Variants in SLC5A8 observed in about 807,000 individuals in gnomAD.
The protein encoded by SLC5A8 is sodium-coupled monocarboxylate transporter 1.
Under a neutral mutation model 71.9 loss-of-function variants are expected in SLC5A8, and 55 were observed. That is an observed-to-expected ratio of 0.77 (90% CI 0.62 to 0.96). The LOEUF (loss-of-function observed/expected upper bound fraction) is 0.96, where lower values mean the gene tolerates loss of function less well. SLC5A8 is among the 40% of genes least tolerant of loss of function. The pLI, the probability that SLC5A8 is intolerant of heterozygous loss-of-function variation, is 0.00. For missense variants in SLC5A8, 701 were observed against 745.3 expected, an observed-to-expected ratio of 0.94 and a Z score of 0.69; for synonymous variants, 307 against 276.1, an observed-to-expected ratio of 1.11 and a Z score of -1.11.
chr12:101,171,425 G>T (rs1338969607), intron 10 of SLC5A8, among the ~76,000 whole-genome samples: 1 of 152,084 alleles, frequency 6.6e-6, no homozygotes, highest in Non-Finnish European at 1.5e-5. Context: ...ACCCTGAGGG[G>T]GTCAATAATT....
At chr12:101,173,547 TTGGGCATGTTGCCTA>T (rs1258628477) in intron 10 of SLC5A8, among the ~76,000 whole-genome samples, 13 of 152,194 alleles carry the variant, frequency 8.5e-5, no homozygotes, top group African/African-American at 2.9e-4. Flanking sequence ...CCCGCGTGAC[TTGGGCATGTTGCCTA>T]TGGGCTGCTG....
chr12:101,183,479 T>C (rs1386072698), intron 8 of SLC5A8, among the ~76,000 whole-genome samples: 1 of 152,208 alleles, frequency 6.6e-6, no homozygotes, highest in Non-Finnish European at 1.5e-5. Context: ...CACTTGCTGT[T>C]AATCCTCAGT....
chr12:101,157,467 A>G, intron 14 of SLC5A8, 66 bp from the exon 15 acceptor site: 3 of 1,499,330 alleles, frequency 2.0e-6, no homozygotes, highest in Non-Finnish European at 1.8e-6. Flanking sequence ...TGTAATTCTA[A>G]ATAATTGTTT....
chr12:101,181,199 G>A (rs1200127536), intron 9 of SLC5A8, among the ~76,000 whole-genome samples: 1 of 152,118 alleles, frequency 6.6e-6, no homozygotes, highest in East Asian at 1.9e-4. Flanking sequence ...GCATCTGAAT[G>A]AAAAATTTTA....
Position 101,190,652 on chromosome 12 carries a change from G to T in SLC5A8, c.693-44C>A, listed in dbSNP as rs1472716442. On this transcript the variant is annotated intron_variant, in intron 5 of 14. Transcript: ENST00000536262. ...AAAACAAATCTGAACTATTAGCAGA[G>T]ACTAAAAAAAATTCTCTTAGACTAT... 4 of 1,527,084 alleles carry T rather than the reference G, an allele frequency of 2.6e-6. No homozygotes were observed. In the East Asian group the frequency reaches 7.2e-5, roughly 28 times the overall value. 94.6% of individuals were successfully genotyped at this position (1,527,084 alleles called of 1,614,324 possible). A position where few individuals can be genotyped will look rare whatever the true frequency, so the allele number is the denominator to read the frequency against.
intron 1 of SLC5A8, among the ~76,000 whole-genome samples, chr12:101,206,408 A>G (rs905648833): frequency 6.6e-6 from 1 of 152,216 alleles, no homozygotes; most frequent in Non-Finnish European, 1.5e-5. Context: ...TGTTTTTTCT[A>G]GGTACATGAA....
chr12:101,179,038 A>G (rs1323549767), intron 10 of SLC5A8, among the ~76,000 whole-genome samples: 5 of 152,208 alleles, frequency 3.3e-5, no homozygotes, highest in Non-Finnish European at 7.4e-5. Flanking sequence ...ATAGATGAAA[A>G]ATAAGTCGCT....
At chr12:101,206,543 T>G (rs2712622) in intron 1 of SLC5A8, among the ~76,000 whole-genome samples, 1 of 151,908 alleles carries the variant, frequency 6.6e-6, no homozygotes, top group East Asian at 1.9e-4. Flanking sequence ...AAGTCTATTA[T>G]GATCTCAGCC....
chr12:101,181,080 G>GA (rs928716583), intron 9 of SLC5A8, among the ~76,000 whole-genome samples: 7 of 151,704 alleles, frequency 4.6e-5, no homozygotes, highest in East Asian at 1.9e-4. Flanking sequence ...TCAATATACA[G>GA]AAAAAAAATG....
At position 101,195,148 on chromosome 12, in the gene SLC5A8, G is replaced by A; in HGVS notation, c.484C>T (p.Leu162=). ...LALNQVTGFD[L]WGAVVATGVV... is the part of the protein sequence containing the mutation. ...CCCGTTGCCACTACCGCGCCCCACA[G>A]ATCAAATCCTGTGACTGTAGAAAAA... Residue 162 remains leucine, a synonymous_variant, in exon 4 of 15, where the codon CTG becomes TTG. Coordinates refer to ENST00000536262, the MANE Select transcript of SLC5A8 (RefSeq NM_145913.5). The A allele has an allele frequency of 6.2e-7, 1 of 1,614,048 alleles. No homozygotes were observed. The highest frequency in any genetic ancestry group is 8.5e-7 in the Non-Finnish European group (1 of 1,179,982).
intron 13 of SLC5A8, among the ~76,000 whole-genome samples, chr12:101,158,952 A>C (rs1056482527): frequency 2.2e-5 from 1 of 45,044 alleles, no homozygotes; most frequent in Non-Finnish European, 4.1e-5. Flanking sequence ...TTTTCTTTAC[A>C]AAAAAAAAAA....
At chr12:101,162,802 A>C (rs1217701906) in intron 12 of SLC5A8, among the ~76,000 whole-genome samples, 1 of 152,226 alleles carries the variant, frequency 6.6e-6, no homozygotes, top group Admixed American at 6.5e-5. Context: ...GGTATCTAAA[A>C]TAAAAGTTGA....
At chr12:101,170,408 T>C (rs1003430174) in intron 10 of SLC5A8, among the ~76,000 whole-genome samples, 3 of 152,052 alleles carry the variant, frequency 2.0e-5, no homozygotes, top group Admixed American at 1.3e-4. Flanking sequence ...AAGAAGACTC[T>C]GAAAGGTGCA....
intron 1 of SLC5A8, among the ~76,000 whole-genome samples, chr12:101,205,954 T>C (rs1156737639): frequency 6.6e-6 from 1 of 152,238 alleles, no homozygotes; most frequent in Non-Finnish European, 1.5e-5. Flanking sequence ...TGCCTTGTAG[T>C]ACACTGGAGG....
chr12:101,191,287 T>C (rs949312941), intron 5 of SLC5A8, among the ~76,000 whole-genome samples: 3 of 152,236 alleles, frequency 2.0e-5, no homozygotes, highest in South Asian at 4.1e-4. Context: ...GATCTTTTAA[T>C]CTTTTTTACT....
At chr12:101,193,896 C>A in intron 4 of SLC5A8, 117 bp from the exon 5 acceptor site, 1 of 1,016,012 alleles carries the variant, frequency 9.8e-7, no homozygotes, top group Non-Finnish European at 1.4e-6. Context: ...CTAAGAAGTG[C>A]ACTCAAGGGA....
At chr12:101,179,729 C>A (rs2051914146) in intron 10 of SLC5A8, among the ~76,000 whole-genome samples, 2 of 152,016 alleles carry the variant, frequency 1.3e-5, no homozygotes, top group Admixed American at 1.3e-4. Flanking sequence ...ATATCAATGT[C>A]AATATATGAG....
intron 3 of SLC5A8, among the ~76,000 whole-genome samples, chr12:101,199,589 T>C (rs1207489439): frequency 6.6e-6 from 1 of 151,720 alleles, no homozygotes. Flanking sequence ...AAGTGAAAAC[T>C]GAAACAACAA....
At chr12:101,187,258 A>G in intron 7 of SLC5A8, 128 bp downstream of exon 7, 1 of 1,033,800 alleles carries the variant, frequency 9.7e-7, no homozygotes, top group Admixed American at 3.2e-5. Flanking sequence ...AAAGTTTTAT[A>G]GAAATGTAAG....
Sources: gnomAD v4.1 joint callset for allele counts (sites outside exome capture counted in the v4.1 genomes callset) on GRCh38, gnomAD v4.1.1 for gene constraint, MANE v1.5 for transcripts, NCBI Gene and HGNC (gene_info 2026-07-23, HGNC 2026-07-21) for gene names.